Variants in ARHGEF12 observed in about 807,000 individuals in gnomAD.
ARHGEF12 encodes KMT2A/ARHGEF12 fusion protein.
ARHGEF12 carries 66 observed loss-of-function variants against 211.2 expected under a neutral mutation model. That is an observed-to-expected ratio of 0.31 (90% CI 0.26 to 0.38). ARHGEF12 has a LOEUF of 0.38. Among genes scored for constraint, ARHGEF12 ranks in the 10% least tolerant of loss-of-function variants. The pLI, the probability that ARHGEF12 is intolerant of heterozygous loss-of-function variation, is 1.00. For missense variants in ARHGEF12, 1,429 were observed against 1,869.5 expected (o/e 0.76, Z 4.34); for synonymous variants, 592 against 638.4 (o/e 0.93, Z 1.09).
chr11:120,342,574 A>G (rs891417850), intron 1 of ARHGEF12, among the ~76,000 whole-genome samples: 3 of 152,140 alleles, frequency 2.0e-5, no homozygotes, highest in African/African-American at 7.2e-5. Context: ...TTAATATTTC[A>G]TTAGCTTTTT....
chr11:120,436,565 G>A (rs150260339), intron 11 of ARHGEF12, among the ~76,000 whole-genome samples: 18 of 152,262 alleles, frequency 1.2e-4, no homozygotes, highest in African/African-American at 4.3e-4. Context: ...GACAGCATCT[G>A]TGGATTCAGC....
At chr11:120,389,446 A>C (rs1397465680) in intron 1 of ARHGEF12, among the ~76,000 whole-genome samples, 1 of 152,038 alleles carries the variant, frequency 6.6e-6, no homozygotes, top group Non-Finnish European at 1.5e-5. Context: ...TCTGTGATAC[A>C]TTTTCAGGTA....
At chr11:120,413,092 T>C (rs1344022929) in intron 4 of ARHGEF12, among the ~76,000 whole-genome samples, 1 of 152,270 alleles carries the variant, frequency 6.6e-6, no homozygotes, top group African/African-American at 2.4e-5. Flanking sequence ...GGTCATTCAC[T>C]TGCTAAGAAA....
At chr11:120,392,336 A>T (rs572624485) in intron 1 of ARHGEF12, among the ~76,000 whole-genome samples, 1 of 152,286 alleles carries the variant, frequency 6.6e-6, no homozygotes, top group Admixed American at 6.5e-5. Context: ...TAGTCAAATA[A>T]TATCTTTTTT....
chr11:120,463,971 T>A (rs11600200), intron 27 of ARHGEF12: 1 of 152,104 alleles, frequency 6.6e-6, no homozygotes, highest in Non-Finnish European at 1.5e-5. Flanking sequence ...GTAAATCACT[T>A]TTTAGGTGTT....
At chr11:120,402,846 A>G (rs1200605808) in intron 1 of ARHGEF12, among the ~76,000 whole-genome samples, 1 of 152,256 alleles carries the variant, frequency 6.6e-6, no homozygotes, top group East Asian at 1.9e-4. Flanking sequence ...ATATGTGACG[A>G]CACAAAACTT....
At chr11:120,467,669 G>A (rs964010219) in intron 29 of ARHGEF12, among the ~76,000 whole-genome samples, 1 of 142,270 alleles carries the variant, frequency 7.0e-6, no homozygotes, top group African/African-American at 2.7e-5. Context: ...TCAAACTCCT[G>A]GCCTCAAGCA....
At chr11:120,350,979 G>A (rs539597113) in intron 1 of ARHGEF12, among the ~76,000 whole-genome samples, 18 of 152,244 alleles carry the variant, frequency 1.2e-4, no homozygotes, top group African/African-American at 4.1e-4. Context: ...TTTAAATCAT[G>A]ATTACTTGTT....
intron 4 of ARHGEF12, among the ~76,000 whole-genome samples, chr11:120,419,783 T>C (rs566294428): frequency 2.0e-5 from 3 of 152,336 alleles, no homozygotes; most frequent in African/African-American, 7.2e-5. Flanking sequence ...TAAAAATCTT[T>C]AGAAAAAGTT....
At chr11:120,476,864 A>G (rs1277973019) in intron 34 of ARHGEF12, 116 bp downstream of exon 34, 1 of 747,364 alleles carries the variant, frequency 1.3e-6, no homozygotes, top group East Asian at 2.7e-5. Context: ...CTTCCTCTGT[A>G]CTCTTTTAGA....
Position 120,428,146 on chromosome 11 carries a change from G to T in ARHGEF12, c.484G>T (p.Glu162Ter). Residue 162 changes from glutamate to a stop codon, truncating the protein, a stop_gained, in exon 8 of 41, where the codon GAG (glutamate) becomes TAG (stop). Coordinates refer to ENST00000397843, the MANE Select transcript of ARHGEF12 (RefSeq NM_015313.3). LOFTEE classifies it high-confidence loss of function. ...PQIPLADSEV[E>*]PSVIGHMSPI... ...GATTCCACTTGCCGACTCTGAAGTA[G>T]AGCCGTCAGTCATTGGACATATGTC... The T allele has an allele frequency of 6.2e-7, 1 of 1,611,244 alleles. No homozygotes were observed. Among genetic ancestry groups the T allele is most frequent in the Non-Finnish European group, 8.5e-7 (1 of 1,178,886 alleles).
intron 1 of ARHGEF12, among the ~76,000 whole-genome samples, chr11:120,339,002 TTTC>T (rs1942445337): frequency 7.5e-6 from 1 of 132,474 alleles, no homozygotes; most frequent in Admixed American, 7.4e-5. Context: ...TTCTTTTCTT[TTTC>T]TTTTTTTTTT....
At position 120,488,062 on chromosome 11, in the gene ARHGEF12, AGTTGTT is replaced by A. The variant is rs369132658; in HGVS notation, c.*2998_*3003del. On this transcript the variant is annotated 3_prime_UTR_variant, in exon 41 of 41. Transcript: ENST00000397843. ...TGAAGGATGAATCCCCTTTTTAAAA[AGTTGTT>A]GTTGTTGTTGTTTATTTGATTTTGA... The A allele has an allele frequency of 9.1e-6, 2 of 219,718 alleles. No homozygotes were observed. Among genetic ancestry groups the A allele is most frequent in the African/African-American group, 4.5e-5 (2 of 44,536 alleles). The allele number at this position is 219,718 out of a possible 1,614,324, so 13.6% of individuals were successfully genotyped here.
Position 120,439,909 on chromosome 11 carries a change from A to C in ARHGEF12, c.1000-220A>C, listed in dbSNP as rs552363189. 116 of 458,696 alleles carry C rather than the reference A, an allele frequency of 2.5e-4. 1 individual carries two copies. Among genetic ancestry groups the C allele is most frequent in the African/African-American group, 1.1e-3 (53 of 49,662 alleles). The allele number at this position is 458,696 out of a possible 1,614,324, so 28.4% of individuals were successfully genotyped here. A position where few individuals can be genotyped will look rare whatever the true frequency, so the allele number is the denominator to read the frequency against. ...CCAAGGGGAGTGGTTTTTTCCCCCCAAAAAAAACTCGTTGTTGTGGTCTTT... is the reference window on the plus strand; with the variant it reads ...CCAAGGGGAGTGGTTTTTTCCCCCCCAAAAAAACTCGTTGTTGTGGTCTTT... On this transcript the variant is annotated intron_variant, in intron 12 of 40. Coordinates refer to ENST00000397843, the MANE Select transcript of ARHGEF12 (RefSeq NM_015313.3).
intron 1 of ARHGEF12, among the ~76,000 whole-genome samples, chr11:120,353,680 A>G (rs1011637480): frequency 6.6e-6 from 1 of 152,010 alleles, no homozygotes; most frequent in Admixed American, 6.6e-5. Context: ...AGAATCTGAA[A>G]TCTGTCTCCT....
chr11:120,473,721 A>G lies in ARHGEF12; in HGVS notation c.3033+594A>G, dbSNP rs529041775. Among the ~76,000 whole-genome samples, 37 of 152,344 alleles carry G rather than the reference A, an allele frequency of 2.4e-4. 1 individual carries two copies. Among genetic ancestry groups the G allele is most frequent in the Admixed American group, 2.2e-3 (33 of 15,298 alleles). Reference sequence around the variant, plus strand: ...TGTGTTCTGTAGTTTAAATAAGGGTAGGACTGTTTGGTAACTTTCCAGATC... The same window carrying G: ...TGTGTTCTGTAGTTTAAATAAGGGTGGGACTGTTTGGTAACTTTCCAGATC... On this transcript the variant is annotated intron_variant, in intron 31 of 40. Coordinates refer to ENST00000397843, the MANE Select transcript of ARHGEF12 (RefSeq NM_015313.3).
chr11:120,457,089 C>T (rs1946385137), intron 22 of ARHGEF12, 29 bp from the exon 23 acceptor site: 6 of 1,610,940 alleles, frequency 3.7e-6, no homozygotes, highest in Non-Finnish European at 5.1e-6. Flanking sequence ...AGTATTAACA[C>T]TCTTCAAATG....
chr11:120,352,390 A>G (rs1943007872), intron 1 of ARHGEF12, among the ~76,000 whole-genome samples: 1 of 152,244 alleles, frequency 6.6e-6, no homozygotes, highest in Non-Finnish European at 1.5e-5. Context: ...AATAGTAGAT[A>G]ATCAGGCCTT....
chr11:120,357,014 G>GT (rs1012647057), intron 1 of ARHGEF12, among the ~76,000 whole-genome samples: 2,137 of 144,464 alleles, frequency 0.015, 138 homozygotes, highest in Admixed American at 0.12. Flanking sequence ...AACCTGCACT[G>GT]TTTTTTTTTT....
Sources: gnomAD v4.1 joint callset for allele counts (sites outside exome capture counted in the v4.1 genomes callset) on GRCh38, gnomAD v4.1.1 for gene constraint, MANE v1.5 for transcripts, NCBI Gene and HGNC (gene_info 2026-07-23, HGNC 2026-07-21) for gene names.